The following WDFY4 variants were observed in gnomAD, a reference collection of about 807,000 sequenced individuals.
The protein encoded by WDFY4 is WDFY family member 4.
A neutral mutation model predicts 351.9 loss-of-function variants in WDFY4; 169 were observed. That is an observed-to-expected ratio of 0.48 (90% CI 0.42 to 0.55). The LOEUF (loss-of-function observed/expected upper bound fraction) is 0.55, where lower values mean the gene tolerates loss of function less well. Among genes scored for constraint, WDFY4 ranks in the 20% least tolerant of loss-of-function variants. The pLI is 0.00. For synonymous variants in WDFY4, 1,622 were observed against 1,574.6 expected (o/e 1.03, Z -0.71); for missense variants, 3,803 against 3,935.6 (o/e 0.97, Z 0.90).
chr10:48,806,229 G>C lies in WDFY4; in HGVS notation c.4738+134G>C, dbSNP rs766026491. On this transcript the variant is annotated intron_variant, in intron 27 of 61. Transcript: ENST00000325239. The stretch of plus-strand genomic sequence containing the variant: ...ACAGCCAAGCCGTGGTTTCCAAGCC[G>C]TGGCCTGTGAGGCTGTCATTTTATG... 190 of 785,090 alleles carry C rather than the reference G, an allele frequency of 2.4e-4. 1 individual carries two copies. The highest frequency in any genetic ancestry group is 2.5e-4 in the Admixed American group (11 of 44,552). The allele number at this position is 785,090 out of a possible 1,614,324, so 48.6% of individuals were successfully genotyped here. A position where few individuals can be genotyped will look rare whatever the true frequency, so the allele number is the denominator to read the frequency against.
At chr10:48,919,306 T>G (rs1838840841) in intron 47 of WDFY4, among the ~76,000 whole-genome samples, 1 of 152,066 alleles carries the variant, frequency 6.6e-6, no homozygotes, top group South Asian at 2.1e-4. Flanking sequence ...GGAACTTAGA[T>G]AAGATCAACT....
chr10:48,975,667 A>C (rs1842536589), intron 58 of WDFY4, among the ~76,000 whole-genome samples: 1 of 152,202 alleles, frequency 6.6e-6, no homozygotes, highest in Non-Finnish European at 1.5e-5. Flanking sequence ...GTAGGCTTGA[A>C]TTCAAAACTG....
chr10:48,930,731 G>C (rs1279222609), intron 47 of WDFY4, among the ~76,000 whole-genome samples: 1 of 152,018 alleles, frequency 6.6e-6, no homozygotes, highest in East Asian at 1.9e-4. Context: ...CAATAGATGA[G>C]TGATTAAATA....
At chr10:48,848,831 C>T (rs528123987) in intron 39 of WDFY4, among the ~76,000 whole-genome samples, 10 of 152,358 alleles carry the variant, frequency 6.6e-5, no homozygotes, top group South Asian at 2.1e-4. Flanking sequence ...TTAGTTTACA[C>T]GATAACCACA....
rs1248234311 is a variant in WDFY4, at chr10:48,810,431, C to T, written c.4839-99C>T. On this transcript the variant is annotated intron_variant, in intron 28 of 61. Transcript: ENST00000325239. ...ATAAGTGATGTTAACCTTAACTTGCCTCTCCTTGGTGACTTGTAAGGCTGG... is the reference window on the plus strand; with the variant it reads ...ATAAGTGATGTTAACCTTAACTTGCTTCTCCTTGGTGACTTGTAAGGCTGG... 4.4e-5 allele frequency: 51 copies of T among 1,163,414 alleles called. 1 individual carries two copies. The highest frequency in any genetic ancestry group is 3.7e-4 in the South Asian group (23 of 61,352). The allele number at this position is 1,163,414 out of a possible 1,614,324, so 72.1% of individuals were successfully genotyped here. A position where few individuals can be genotyped will look rare whatever the true frequency, so the allele number is the denominator to read the frequency against.
intron 34 of WDFY4, 22 bp downstream of exon 34, chr10:48,821,198 C>T (rs2132992994): frequency 1.3e-6 from 2 of 1,525,732 alleles, no homozygotes; most frequent in Non-Finnish European, 1.8e-6. Context: ...AACTCGGTCC[C>T]CTCCATTCAT....
chr10:48,800,457 T>C (rs2067028306), intron 24 of WDFY4, among the ~76,000 whole-genome samples: 1 of 151,020 alleles, frequency 6.6e-6, no homozygotes, highest in Admixed American at 6.6e-5. Flanking sequence ...GGAGGGTGGG[T>C]ACAGGAGATT....
In WDFY4 at chr10:48,804,711, C is replaced by T. The variant is rs571246604; in HGVS notation, c.4485-549C>T. 102 of 984,988 alleles carry T rather than the reference C, an allele frequency of 1.0e-4. No homozygotes were observed. The African/African-American group carries it at 1.7e-3, about 17-fold the overall frequency. The allele number at this position is 984,988 out of a possible 1,614,324, so 61.0% of individuals were successfully genotyped here. A position where few individuals can be genotyped will look rare whatever the true frequency, so the allele number is the denominator to read the frequency against. On this transcript the variant is annotated intron_variant, in intron 25 of 61. Coordinates refer to ENST00000325239, the MANE Select transcript of WDFY4 (RefSeq NM_001394531.1). ...TGTTTTCTAAGAAACAGATATTTAT[C>T]CTGGGAGCTGTTTTCTTTGGGGGAG...
At chr10:48,788,709 G>T in intron 21 of WDFY4, 34 bp downstream of exon 21, 1 of 1,547,620 alleles carries the variant, frequency 6.5e-7, no homozygotes, top group Non-Finnish European at 8.7e-7. Context: ...AATCTCTGTT[G>T]GAATCTGGTT....
intron 43 of WDFY4, among the ~76,000 whole-genome samples, chr10:48,885,484 G>A (rs1589812096): frequency 6.6e-6 from 1 of 152,314 alleles, no homozygotes; most frequent in East Asian, 1.9e-4. Flanking sequence ...CAAAGGTATT[G>A]CCATTTCCAC....
intron 13 of WDFY4, among the ~76,000 whole-genome samples, chr10:48,763,675 T>C (rs937572576): frequency 4.8e-4 from 73 of 152,356 alleles, no homozygotes; most frequent in African/African-American, 1.7e-3. Context: ...AAATGAAGTA[T>C]GCAACTGATA....
chr10:48,854,205 T>G (rs185308682), intron 39 of WDFY4, among the ~76,000 whole-genome samples: 1 of 150,748 alleles, frequency 6.6e-6, no homozygotes, highest in Admixed American at 6.6e-5. Flanking sequence ...ACCTCCGGGG[T>G]TCAAGCCACC....
chr10:48,822,631 C>G (rs1163733375), intron 35 of WDFY4, 94 bp downstream of exon 35: 4 of 1,343,302 alleles, frequency 3.0e-6, no homozygotes, highest in Non-Finnish European at 2.9e-6. Context: ...GCCCTCCCTC[C>G]CTGGAGTAGA....
intron 12 of WDFY4, among the ~76,000 whole-genome samples, chr10:48,755,449 C>G (rs372094503): frequency 6.6e-6 from 1 of 152,108 alleles, no homozygotes; most frequent in Non-Finnish European, 1.5e-5. Context: ...CTTTGCCTGA[C>G]GGCCATGAAG....
intron 11 of WDFY4, among the ~76,000 whole-genome samples, chr10:48,741,007 T>C (rs1349735776): frequency 6.6e-6 from 1 of 152,248 alleles, no homozygotes; most frequent in Non-Finnish European, 1.5e-5. Flanking sequence ...CTTTGGTCTT[T>C]CATAGATTCT....
In WDFY4 at chr10:48,959,762, C is replaced by T; in HGVS notation, c.8172C>T (p.Leu2724=). The part of the protein sequence containing the change: ...QDGTVLGDVQ[L]PPWADGDPRK... ...GGACTGTGCTAGGAGACGTGCAGCTCCCTCCCTGGGCTGATGGGGACCCTC... is the reference window on the plus strand; with the variant it reads ...GGACTGTGCTAGGAGACGTGCAGCTTCCTCCCTGGGCTGATGGGGACCCTC... The change falls in exon 53 of 62, where the codon CTC becomes CTT. Residue 2724 remains leucine (L), a synonymous_variant. Coordinates refer to ENST00000325239, the MANE Select transcript of WDFY4 (RefSeq NM_001394531.1). 1 of 1,551,640 alleles carries T rather than the reference C, an allele frequency of 6.4e-7. No homozygotes were observed. The highest frequency in any genetic ancestry group is 1.7e-4 in the Middle Eastern group (1 of 5,990).
chr10:48,936,603 C>T (rs900976526), intron 47 of WDFY4, among the ~76,000 whole-genome samples: 4 of 122,936 alleles, frequency 3.3e-5, no homozygotes, highest in African/African-American at 1.0e-4. Flanking sequence ...TTTCGGAGGC[C>T]GAAGAGGGTG....
intron 51 of WDFY4, among the ~76,000 whole-genome samples, chr10:48,950,206 G>A (rs186483935): frequency 3.0e-4 from 46 of 151,878 alleles, no homozygotes; most frequent in African/African-American, 1.0e-3. Context: ...CTCTCCAATC[G>A]CCCCTCCCCA....
At chr10:48,857,837 G>T (rs755467521) in intron 39 of WDFY4, among the ~76,000 whole-genome samples, 1 of 151,770 alleles carries the variant, frequency 6.6e-6, no homozygotes, top group East Asian at 1.9e-4. Context: ...TTGTTGCCCA[G>T]GCTGGAGTGC....
Sources: allele counts gnomAD v4.1 joint callset (sites outside exome capture counted in the v4.1 genomes callset), GRCh38; gene constraint gnomAD v4.1.1; transcripts MANE v1.5; gene names NCBI Gene and HGNC (gene_info 2026-07-23, HGNC 2026-07-21).